PDE8A: variants seen among roughly 807,000 people sequenced by gnomAD.
The protein encoded by PDE8A is phosphodiesterase 8A.
In PDE8A, 59 loss-of-function variants were observed where a neutral mutation model predicts 105.0. That is an observed-to-expected ratio of 0.56 (90% CI 0.46 to 0.70). PDE8A has a LOEUF of 0.70. PDE8A is among the 30% of genes least tolerant of loss of function. The pLI is 0.00. For synonymous variants in PDE8A, 355 were observed against 371.9 expected, an observed-to-expected ratio of 0.95 and a Z score of 0.52; for missense variants, 1,014 against 1,045.9, an observed-to-expected ratio of 0.97 and a Z score of 0.42.
At chr15:85,014,447 T>A (rs1283476444) in intron 1 of PDE8A, among the ~76,000 whole-genome samples, 1 of 152,212 alleles carries the variant, frequency 6.6e-6, no homozygotes, top group Non-Finnish European at 1.5e-5. Flanking sequence ...GTGATAAAGT[T>A]TGAATAGCAT....
At chr15:85,027,615 T>G (rs986617849) in intron 1 of PDE8A, among the ~76,000 whole-genome samples, 14 of 152,250 alleles carry the variant, frequency 9.2e-5, no homozygotes, top group African/African-American at 3.4e-4. Context: ...TACTGTCATC[T>G]TATAAAACAC....
intron 1 of PDE8A, among the ~76,000 whole-genome samples, chr15:84,986,721 C>T (rs973900565): frequency 3.3e-5 from 5 of 152,016 alleles, no homozygotes; most frequent in Non-Finnish European, 5.9e-5. Flanking sequence ...AAGTGATCCC[C>T]CCACCTCAGC....
At chr15:85,091,213 T>C in intron 8 of PDE8A, 32 bp downstream of exon 8, 1 of 1,562,842 alleles carries the variant, frequency 6.4e-7, no homozygotes, top group Non-Finnish European at 8.7e-7. Flanking sequence ...TTTTTAACTT[T>C]CACAACACAG....
At chr15:85,120,720 G>A in intron 17 of PDE8A, 77 bp from the exon 18 acceptor site, 1 of 839,184 alleles carries the variant, frequency 1.2e-6, no homozygotes, top group Non-Finnish European at 1.9e-6. Context: ...AAGTAATAGG[G>A]GAGAAAGAAA....
At chr15:85,004,412 A>G (rs1397891545) in intron 1 of PDE8A, among the ~76,000 whole-genome samples, 1 of 152,176 alleles carries the variant, frequency 6.6e-6, no homozygotes, top group Non-Finnish European at 1.5e-5. Flanking sequence ...TTGGGGGAAG[A>G]TGTTCCTCCC....
At position 85,120,852 on chromosome 15, in the gene PDE8A, A is replaced by G. The variant is rs1004288690; in HGVS notation, c.1790A>G (p.Asp597Gly). ...GCACTCATCGCAGCCACCATTCATG[A>G]TGTGGATCACCCTGGGAGAACCAAC... ...VAALIAATIH[D>G]VDHPGRTNSF... Residue 597 changes from aspartate (D) to glycine (G), a missense_variant, in exon 18 of 22, where the codon GAT becomes GGT. Transcript: ENST00000394553. 11 of 1,614,126 alleles carry G rather than the reference A, an allele frequency of 6.8e-6. No homozygotes were observed. Among genetic ancestry groups the G allele is most frequent in the Non-Finnish European group, 5.1e-6 (6 of 1,179,966 alleles).
chr15:85,126,167 G>A (rs1391327741), intron 19 of PDE8A, 40 bp from the exon 20 acceptor site: 1 of 1,505,440 alleles, frequency 6.6e-7, no homozygotes, highest in Admixed American at 1.8e-5. Context: ...TGGCACCAAG[G>A]GATCCATTTT....
intron 1 of PDE8A, among the ~76,000 whole-genome samples, chr15:85,059,092 T>A (rs1273054091): frequency 6.6e-6 from 1 of 152,226 alleles, no homozygotes; most frequent in Non-Finnish European, 1.5e-5. Context: ...TTGTTTTCAT[T>A]CATCTCCAAG....
At chr15:84,987,091 G>C (rs552121071) in intron 1 of PDE8A, among the ~76,000 whole-genome samples, 11 of 152,316 alleles carry the variant, frequency 7.2e-5, no homozygotes, top group Non-Finnish European at 1.3e-4. Flanking sequence ...TGCTGCCATA[G>C]TAAGTGACTA....
At position 85,064,403 on chromosome 15, in the gene PDE8A, A is replaced by G; in HGVS notation, c.220A>G (p.Arg74Gly). ...AGCTGATGTGCAGTTTGGCCCCATG[A>G]GATTTCATCAAGATCAACTTCAGGT... ...AVADVQFGPMRFHQDQLQVLL... is the reference protein window; with the variant it reads ...AVADVQFGPMGFHQDQLQVLL... The change falls in exon 2 of 22, where the codon AGA (arginine) becomes GGA (glycine). Residue 74 changes from arginine (R) to glycine (G), a missense_variant. Arg to Gly is a moderately radical substitution (Grantham distance 125). Coordinates refer to ENST00000394553, the MANE Select transcript of PDE8A (RefSeq NM_002605.3). The G allele has an allele frequency of 6.2e-7, 1 of 1,609,692 alleles. No individual in the cohort carries two copies. Among genetic ancestry groups the G allele is most frequent in the African/African-American group, 1.3e-5 (1 of 74,942 alleles).
At chr15:85,077,813 C>A (rs539331590) in intron 5 of PDE8A, among the ~76,000 whole-genome samples, 25 of 152,198 alleles carry the variant, frequency 1.6e-4, no homozygotes, top group African/African-American at 6.0e-4. Context: ...AGTGGCATAG[C>A]AAATTTTATG....
At chr15:85,116,482 A>G (rs1374530192) in intron 16 of PDE8A, among the ~76,000 whole-genome samples, 1 of 152,252 alleles carries the variant, frequency 6.6e-6, no homozygotes, top group Non-Finnish European at 1.5e-5. Flanking sequence ...CACATGTGAT[A>G]AGAGCTGCTC....
intron 5 of PDE8A, among the ~76,000 whole-genome samples, chr15:85,077,807 G>A (rs746611893): frequency 3.3e-5 from 5 of 152,104 alleles, no homozygotes; most frequent in Non-Finnish European, 5.9e-5. Flanking sequence ...ATTAAAAGTG[G>A]CATAGCAAAT....
At chr15:85,008,851 G>A (rs142693983) in intron 1 of PDE8A, among the ~76,000 whole-genome samples, 33 of 152,164 alleles carry the variant, frequency 2.2e-4, no homozygotes, top group African/African-American at 8.0e-4. Flanking sequence ...GTCTGCTGGG[G>A]GTACAGAGAG....
chr15:85,021,513 G>A (rs965064547), intron 1 of PDE8A, among the ~76,000 whole-genome samples: 1 of 152,110 alleles, frequency 6.6e-6, no homozygotes, highest in Middle Eastern at 3.4e-3. Context: ...AGCTATGATC[G>A]TGCCACTGCA....
rs1017712109 is a variant in PDE8A at position 85,138,930 on chromosome 15, T to C, written c.*1027T>C. On this transcript the variant is annotated 3_prime_UTR_variant, in exon 22 of 22. Coordinates refer to ENST00000394553, the MANE Select transcript of PDE8A (RefSeq NM_002605.3). ...GAACAAAAATTGAATATTTAATGAA[T>C]TGACATTTTATAACCAACCTGTTTT... The C allele has an allele frequency of 1.3e-5, 2 of 152,246 alleles. No homozygotes were observed. The highest frequency in any genetic ancestry group is 2.4e-5 in the African/African-American group (1 of 41,462). 9.4% of individuals were successfully genotyped at this position (152,246 alleles called of 1,614,324 possible).
chr15:85,008,440 A>G (rs1408721339), intron 1 of PDE8A, among the ~76,000 whole-genome samples: 3 of 151,576 alleles, frequency 2.0e-5, no homozygotes, highest in African/African-American at 7.3e-5. Context: ...CTTCCTCCAT[A>G]CTGTGTAACT....
At chr15:85,065,977 A>C (rs8032954) in intron 2 of PDE8A, among the ~76,000 whole-genome samples, 4,862 of 152,290 alleles carry the variant, frequency 0.032, 111 homozygotes, top group African/African-American at 0.053. Flanking sequence ...ATAGGCTTTG[A>C]AGTGTCACAT....
chr15:85,068,656 G>A (rs1262725051), intron 3 of PDE8A, among the ~76,000 whole-genome samples: 1 of 152,164 alleles, frequency 6.6e-6, no homozygotes, highest in African/African-American at 2.4e-5. Flanking sequence ...AATGTTGCAA[G>A]GCAGTAGAGG....
Sources: gnomAD v4.1 joint callset for allele counts (sites outside exome capture counted in the v4.1 genomes callset) on GRCh38, gnomAD v4.1.1 for gene constraint, MANE v1.5 for transcripts, NCBI Gene and HGNC (gene_info 2026-07-23, HGNC 2026-07-21) for gene names.